The following FBXL17 variants were observed in gnomAD, a reference collection of about 807,000 sequenced individuals.
FBXL17 encodes the protein F-box/LRR-repeat protein 17.
A neutral mutation model predicts 66.2 loss-of-function variants in FBXL17; 22 were observed. The ratio of observed to expected loss-of-function variants is 0.33; its 90% confidence interval spans 0.24 to 0.47. FBXL17 has a LOEUF of 0.47. Ranked by LOEUF, FBXL17 falls within the 20% of genes least tolerant of loss-of-function variation. FBXL17 has a pLI of 1.00. For missense variants in FBXL17, 878 were observed against 948.2 expected, an observed-to-expected ratio of 0.93 and a Z score of 0.97; for synonymous variants, 474 against 400.5, an observed-to-expected ratio of 1.18 and a Z score of -2.19.
intron 7 of FBXL17, among the ~76,000 whole-genome samples, chr5:107,981,265 T>TATGG (rs1314484125): frequency 6.6e-6 from 1 of 152,214 alleles, no homozygotes; most frequent in Non-Finnish European, 1.5e-5. Flanking sequence ...AAATGAATCC[T>TATGG]ATGGACTGGA....
intron 4 of FBXL17, among the ~76,000 whole-genome samples, chr5:108,326,013 A>G (rs2150227916): frequency 6.6e-6 from 1 of 152,312 alleles, no homozygotes; most frequent in African/African-American, 2.4e-5. Flanking sequence ...TAATCTCCCC[A>G]TTTCCACTGA....
At chr5:108,049,682 G>C (rs1366646087) in intron 6 of FBXL17, among the ~76,000 whole-genome samples, 2 of 152,056 alleles carry the variant, frequency 1.3e-5, no homozygotes, top group Admixed American at 1.3e-4. Flanking sequence ...GCATCAACTA[G>C]TGTGCAAAAT....
intron 6 of FBXL17, among the ~76,000 whole-genome samples, chr5:108,162,804 T>C (rs753115811): frequency 6.6e-6 from 1 of 152,188 alleles, no homozygotes; most frequent in South Asian, 2.1e-4. Context: ...ACATTTGGAA[T>C]AGTAACTGTC....
intron 7 of FBXL17, among the ~76,000 whole-genome samples, chr5:107,947,228 G>A (rs1580233233): frequency 6.6e-6 from 1 of 152,206 alleles, no homozygotes; most frequent in Non-Finnish European, 1.5e-5. Context: ...CGATTTCAAG[G>A]TCTCAGCTTC....
In FBXL17 at chr5:108,267,870, T is replaced by C. The variant is rs145641472; in HGVS notation, c.1507-43642A>G. ...TGAGCTGAGATCTGTCTCTAAGACA[T>C]TATGAAAAACCAATGTTCACGCCTA... is the stretch of plus-strand genomic sequence containing the variant. On this transcript the variant is annotated intron_variant, in intron 4 of 8. Coordinates refer to ENST00000542267, the MANE Select transcript of FBXL17 (RefSeq NM_001163315.3). 3.5e-4 allele frequency among the ~76,000 whole-genome samples: 53 copies of C among 152,224 alleles called. 1 individual carries two copies. Among genetic ancestry groups the C allele is most frequent in the Non-Finnish European group, 6.0e-4 (41 of 67,956 alleles).
rs542012131 is a variant in FBXL17, at chr5:108,047,222, G to A, written c.1746-26221C>T. ...CACCTGAGAGCCACACGGGGCAGGGGAGCCACCCCTCATCCAAAAGAGGTG... is the reference window on the plus strand; with the variant it reads ...CACCTGAGAGCCACACGGGGCAGGGAAGCCACCCCTCATCCAAAAGAGGTG... On this transcript the variant is annotated intron_variant, in intron 6 of 8. Transcript: ENST00000542267. Among the ~76,000 whole-genome samples, 9 of 152,346 alleles carry A rather than the reference G, an allele frequency of 5.9e-5. No homozygotes were observed. In the South Asian group the frequency reaches 1.0e-3, roughly 18 times the overall value.
At chr5:108,148,125 C>T (rs192475695) in intron 6 of FBXL17, among the ~76,000 whole-genome samples, 1 of 151,940 alleles carries the variant, frequency 6.6e-6, no homozygotes, top group East Asian at 1.9e-4. Context: ...CTGTAAACAT[C>T]GATTGTATAA....
At chr5:108,091,515 C>A (rs1219237782) in intron 6 of FBXL17, among the ~76,000 whole-genome samples, 1 of 152,132 alleles carries the variant, frequency 6.6e-6, no homozygotes, top group Non-Finnish European at 1.5e-5. Flanking sequence ...TACTTTATTG[C>A]ATGTTTCTTA....
chr5:108,091,743 G>A (rs964401003), intron 6 of FBXL17, among the ~76,000 whole-genome samples: 1 of 152,102 alleles, frequency 6.6e-6, no homozygotes. Flanking sequence ...GAAATGAACT[G>A]CTGCTTACAG....
intron 1 of FBXL17, among the ~76,000 whole-genome samples, chr5:108,377,706 C>T (rs1749544689): frequency 6.6e-6 from 1 of 152,212 alleles, no homozygotes. Flanking sequence ...AAAGGATTCA[C>T]CAAACTCTTC....
intron 6 of FBXL17, among the ~76,000 whole-genome samples, chr5:108,130,440 T>C (rs752390910): frequency 2.2e-4 from 33 of 152,048 alleles, no homozygotes; most frequent in Non-Finnish European, 4.0e-4. Context: ...GAATGATTAC[T>C]ACGCCTTTGA....
intron 6 of FBXL17, among the ~76,000 whole-genome samples, chr5:108,159,622 AACT>A (rs1752131641): frequency 6.6e-6 from 1 of 152,198 alleles, no homozygotes; most frequent in Non-Finnish European, 1.5e-5. Flanking sequence ...CTCTGTTCTT[AACT>A]TCCAAGCCTC....
At chr5:108,201,892 T>C (rs929298695) in intron 5 of FBXL17, among the ~76,000 whole-genome samples, 1 of 148,930 alleles carries the variant, frequency 6.7e-6, no homozygotes, top group South Asian at 2.1e-4. Flanking sequence ...CAGCTCATAA[T>C]CTCTTTCTTG....
chr5:108,288,988 A>G (rs549816225), intron 4 of FBXL17, among the ~76,000 whole-genome samples: 1 of 152,242 alleles, frequency 6.6e-6, no homozygotes, highest in African/African-American at 2.4e-5. Flanking sequence ...TTCACTATTG[A>G]TGCCATTTAT....
chr5:107,871,069 A>AAACAAAAAAAC (rs1554080840), intron 8 of FBXL17, among the ~76,000 whole-genome samples: 8 of 130,174 alleles, frequency 6.1e-5, no homozygotes, highest in African/African-American at 2.6e-4. Context: ...AAAAAAAAAA[A>AAACAAAAAAAC]AAAAAAAAAA....
chr5:108,225,389 G>C (rs983613745), intron 4 of FBXL17, among the ~76,000 whole-genome samples: 2 of 152,168 alleles, frequency 1.3e-5, no homozygotes, highest in Non-Finnish European at 2.9e-5. Context: ...AAATGGGGCA[G>C]CTATTTCCAA....
At chr5:108,043,017 T>C (rs1235601232) in intron 6 of FBXL17, among the ~76,000 whole-genome samples, 1 of 152,222 alleles carries the variant, frequency 6.6e-6, no homozygotes, top group Admixed American at 6.5e-5. Flanking sequence ...TTAATTTTTG[T>C]TCATCTGTAT....
intron 3 of FBXL17, among the ~76,000 whole-genome samples, chr5:108,364,375 T>C (rs1022733736): frequency 6.6e-6 from 1 of 152,048 alleles, no homozygotes; most frequent in South Asian, 2.1e-4. Flanking sequence ...TATTTAAGCA[T>C]GTATGTCATC....
At chr5:108,281,217 C>A (rs1198657996) in intron 4 of FBXL17, among the ~76,000 whole-genome samples, 2 of 151,928 alleles carry the variant, frequency 1.3e-5, no homozygotes, top group Non-Finnish European at 2.9e-5. Context: ...AATATACATT[C>A]TTTTCATCAA....
Sources: allele counts gnomAD v4.1 joint callset (sites outside exome capture counted in the v4.1 genomes callset), GRCh38; gene constraint gnomAD v4.1.1; transcripts MANE v1.5; gene names NCBI Gene and HGNC (gene_info 2026-07-23, HGNC 2026-07-21).